Variants in SETD3 observed in about 807,000 individuals in gnomAD.
SETD3 encodes the protein SET domain containing 3, actin N3(tau)-histidine methyltransferase, also known as actin-histidine N-methyltransferase.
SETD3 carries 19 observed loss-of-function variants against 63.0 expected under a neutral mutation model. The observed-to-expected ratio is 0.30, with a 90% confidence interval of 0.21 to 0.44. SETD3 has a LOEUF of 0.44. Ranked by LOEUF, SETD3 falls within the 20% of genes least tolerant of loss-of-function variation. The pLI is 1.00. For synonymous variants in SETD3, 286 were observed against 264.1 expected (o/e 1.08, Z -0.80); for missense variants, 587 against 728.5 (o/e 0.81, Z 2.24).
At chr14:99,429,753 T>G (rs1182461839) in intron 6 of SETD3, among the ~76,000 whole-genome samples, 2 of 152,198 alleles carry the variant, frequency 1.3e-5, no homozygotes, top group Non-Finnish European at 2.9e-5. Context: ...ACCAGGAGTC[T>G]TGAACAGAAG....
At chr14:99,462,276 T>C (rs916103274) in intron 3 of SETD3, among the ~76,000 whole-genome samples, 1 of 152,212 alleles carries the variant, frequency 6.6e-6, no homozygotes, top group African/African-American at 2.4e-5. Flanking sequence ...GCATGTCCTA[T>C]GTAGTCAAAA....
Position 99,398,657 on chromosome 14 carries a change from C to T in SETD3, c.*22G>A. 2 of 1,601,390 alleles carry T rather than the reference C, an allele frequency of 1.2e-6. No homozygotes were observed. The highest frequency in any genetic ancestry group is 1.7e-6 in the Non-Finnish European group (2 of 1,170,182). ...CCGTCAACTCCTGCTCCACTGGATC[C>T]CCCATCCAGCTTCACCTCGAGCTAC... On this transcript the variant is annotated 3_prime_UTR_variant, in exon 13 of 13. Transcript: ENST00000331768.
intron 6 of SETD3, among the ~76,000 whole-genome samples, chr14:99,437,988 C>T (rs532108342): frequency 1.6e-4 from 24 of 152,328 alleles, no homozygotes; most frequent in Admixed American, 1.5e-3. Flanking sequence ...CACTAATTCA[C>T]TTTAAAGACC....
chr14:99,475,267 C>G (rs987397472), intron 1 of SETD3, among the ~76,000 whole-genome samples: 1 of 152,204 alleles, frequency 6.6e-6, no homozygotes, highest in Admixed American at 6.5e-5. Context: ...CTCAATCCCA[C>G]GCGTGTTTAA....
In SETD3 at chr14:99,445,264, C is replaced by G. The variant is rs1894070979; in HGVS notation, c.675+13015G>C. On this transcript the variant is annotated intron_variant, in intron 6 of 12. Transcript: ENST00000331768. ...ACAGAATATACTACGCCCTCACTCT[C>G]TGTCTACAAAGATCCATCAGCACCA... 2.6e-5 allele frequency among the ~76,000 whole-genome samples: 4 copies of G among 152,224 alleles called. No individual in the cohort carries two copies. The South Asian group carries it at 6.2e-4, about 24-fold the overall frequency.
chr14:99,434,184 C>CTG (rs35518651), intron 6 of SETD3, among the ~76,000 whole-genome samples: 81,900 of 151,924 alleles, frequency 0.54, 23,134 homozygotes, highest in African/African-American at 0.7. Context: ...AGATAAAAAA[C>CTG]TGGTACATTC....
At chr14:99,467,488 C>T (rs3809412) in intron 1 of SETD3, among the ~76,000 whole-genome samples, 63,686 of 152,146 alleles carry the variant, frequency 0.42, 13,838 homozygotes, top group East Asian at 0.56. Flanking sequence ...TCAGGCTTCC[C>T]ATATCTGCGG....
At chr14:99,451,981 T>C (rs988097615) in intron 6 of SETD3, among the ~76,000 whole-genome samples, 1 of 152,176 alleles carries the variant, frequency 6.6e-6, no homozygotes, top group Non-Finnish European at 1.5e-5. Context: ...AGCATTCAGG[T>C]GTTCATACAG....
chr14:99,416,878 C>T (rs1341959972), intron 6 of SETD3, among the ~76,000 whole-genome samples: 1 of 152,130 alleles, frequency 6.6e-6, no homozygotes, highest in African/African-American at 2.4e-5. Context: ...CCAGGCAACC[C>T]AGGGACGCAC....
At chr14:99,470,215 A>T (rs1357659630) in intron 1 of SETD3, among the ~76,000 whole-genome samples, 1 of 152,112 alleles carries the variant, frequency 6.6e-6, no homozygotes, top group African/African-American at 2.4e-5. Context: ...GCTCTACCGA[A>T]ATGTGCCCTG....
chr14:99,451,980 G>A (rs1275408730), intron 6 of SETD3, among the ~76,000 whole-genome samples: 3 of 152,184 alleles, frequency 2.0e-5, no homozygotes, highest in Non-Finnish European at 4.4e-5. Context: ...TAGCATTCAG[G>A]TGTTCATACA....
chr14:99,480,661 G>C (rs1168781591), intron 1 of SETD3, 67 bp downstream of exon 1: 1 of 150,674 alleles, frequency 6.6e-6, no homozygotes, highest in African/African-American at 2.4e-5. Flanking sequence ...GCCTCGCAGA[G>C]CTCGGAGACG....
intron 8 of SETD3, among the ~76,000 whole-genome samples, chr14:99,408,347 T>C (rs762554438): frequency 6.6e-6 from 1 of 152,158 alleles, no homozygotes; most frequent in East Asian, 1.9e-4. Flanking sequence ...AACACTTCAA[T>C]TGAATGAAAA....
intron 6 of SETD3, among the ~76,000 whole-genome samples, chr14:99,433,531 A>G (rs746497176): frequency 3.3e-5 from 5 of 151,892 alleles, no homozygotes; most frequent in Admixed American, 6.6e-5. Context: ...GCTGCCTCCC[A>G]GGTTTAAGCG....
chr14:99,398,644 G>C lies in SETD3; in HGVS notation c.*35C>G. On this transcript the variant is annotated 3_prime_UTR_variant, in exon 13 of 13. Transcript: ENST00000331768. ...GTGAACGGACTGTCCGTCAACTCCTGCTCCACTGGATCCCCCATCCAGCTT... is the reference window on the plus strand; with the variant it reads ...GTGAACGGACTGTCCGTCAACTCCTCCTCCACTGGATCCCCCATCCAGCTT... The C allele has an allele frequency of 6.3e-7, 1 of 1,582,796 alleles. No individual in the cohort carries two copies. Among genetic ancestry groups the C allele is most frequent in the Non-Finnish European group, 8.7e-7 (1 of 1,155,500 alleles).
intron 10 of SETD3, among the ~76,000 whole-genome samples, chr14:99,404,705 T>A (rs1891587513): frequency 6.6e-6 from 1 of 152,246 alleles, no homozygotes; most frequent in Non-Finnish European, 1.5e-5. Flanking sequence ...GTCTGCATAA[T>A]CCATTTTCAT....
At chr14:99,472,452 T>A (rs1030633496) in intron 1 of SETD3, among the ~76,000 whole-genome samples, 2 of 152,210 alleles carry the variant, frequency 1.3e-5, no homozygotes, top group African/African-American at 4.8e-5. Context: ...AAGTCTGTTA[T>A]ATACCGTGAA....
intron 6 of SETD3, among the ~76,000 whole-genome samples, chr14:99,421,748 G>GGA (rs1892608916): frequency 6.6e-6 from 1 of 152,004 alleles, no homozygotes; most frequent in Non-Finnish European, 1.5e-5. Context: ...CTACAGATGA[G>GGA]GAAACTGAGG....
chr14:99,475,034 A>G (rs1895899864), intron 1 of SETD3, among the ~76,000 whole-genome samples: 1 of 152,192 alleles, frequency 6.6e-6, no homozygotes, highest in South Asian at 2.1e-4. Context: ...GGAAGTTACC[A>G]AAAAAACCTT....
Sources: allele counts gnomAD v4.1 joint callset (sites outside exome capture counted in the v4.1 genomes callset), GRCh38; gene constraint gnomAD v4.1.1; transcripts MANE v1.5; gene names NCBI Gene and HGNC (gene_info 2026-07-23, HGNC 2026-07-21).